The following NKAIN2 variants were observed in gnomAD, a reference collection of about 807,000 sequenced individuals.
NKAIN2 encodes the protein sodium/potassium transporting ATPase interacting 2.
Under a neutral mutation model 32.6 loss-of-function variants are expected in NKAIN2, and 14 were observed. The ratio of observed to expected loss-of-function variants is 0.43; its 90% CI spans 0.28 to 0.67. The LOEUF is 0.67. Ranked by LOEUF, NKAIN2 falls within the 30% of genes least tolerant of loss-of-function variation. The pLI is 0.17. For missense variants in NKAIN2, 198 were observed against 258.3 expected (o/e 0.77, Z 1.60); for synonymous variants, 80 against 87.2 (o/e 0.92, Z 0.46).
intron 1 of NKAIN2, among the ~76,000 whole-genome samples, chr6:123,957,454 A>G (rs997986315): frequency 1.3e-5 from 2 of 152,214 alleles, no homozygotes; most frequent in Non-Finnish European, 2.9e-5. Flanking sequence ...CATGAATGCA[A>G]TTAAATGGTG....
chr6:123,931,977 A>G (rs905433452), intron 1 of NKAIN2, among the ~76,000 whole-genome samples: 4 of 152,214 alleles, frequency 2.6e-5, no homozygotes, highest in Admixed American at 1.3e-4. Flanking sequence ...TCAAGAATAT[A>G]TACTTAAAAA....
At chr6:124,295,258 T>C (rs1795998819) in intron 2 of NKAIN2, among the ~76,000 whole-genome samples, 1 of 152,068 alleles carries the variant, frequency 6.6e-6, no homozygotes, top group East Asian at 1.9e-4. Context: ...GTTTTCATTC[T>C]ATCTTCTAAA....
intron 4 of NKAIN2, among the ~76,000 whole-genome samples, chr6:124,670,072 C>T (rs1022556566): frequency 3.9e-5 from 6 of 152,012 alleles, no homozygotes; most frequent in African/African-American, 1.4e-4. Flanking sequence ...AAAGTAATGG[C>T]AAAAACCACA....
intron 4 of NKAIN2, among the ~76,000 whole-genome samples, chr6:124,743,598 G>T (rs1218839286): frequency 6.6e-6 from 1 of 151,854 alleles, no homozygotes; most frequent in African/African-American, 2.4e-5. Context: ...GAACTGTAAT[G>T]ATAACATGAT....
In NKAIN2 at chr6:124,819,439, A is replaced by C. The variant is rs558718561; in HGVS notation, c.617+971A>C. ...TGTAGTTCTCTGAAATCATTTGCTAATAGCACCCATAAAACAGACTTTAGC... is the reference window on the plus strand; with the variant it reads ...TGTAGTTCTCTGAAATCATTTGCTACTAGCACCCATAAAACAGACTTTAGC... On this transcript the variant is annotated intron_variant, in intron 6 of 6. Transcript: ENST00000368417. 9.2e-5 allele frequency among the ~76,000 whole-genome samples: 14 copies of C among 152,276 alleles called. No individual in the cohort carries two copies. In the South Asian group the frequency reaches 2.9e-3, roughly 32 times the overall value.
chr6:123,957,194 A>G (rs1777633580), intron 1 of NKAIN2, among the ~76,000 whole-genome samples: 1 of 152,190 alleles, frequency 6.6e-6, no homozygotes, highest in Non-Finnish European at 1.5e-5. Context: ...CTATGAAAGC[A>G]CAGCATAGTA....
chr6:124,223,339 T>C (rs1253723161), intron 1 of NKAIN2, among the ~76,000 whole-genome samples: 1 of 151,682 alleles, frequency 6.6e-6, no homozygotes, highest in Non-Finnish European at 1.5e-5. Flanking sequence ...GTTTGTATGC[T>C]AATGGAAAGA....
rs776690706 is a variant in NKAIN2 at position 124,823,223 on chromosome 6, A to G, written c.621A>G (p.Ser207=). Residue 207 remains serine (S), a synonymous_variant, in exon 7 of 7, where the codon TCA becomes TCG. Transcript: ENST00000368417. ...AAACATCTTTTCTCTCTCTCAGGTC[A>G]AAATAATACAGATGACTTCAGTATG... The part of the protein sequence containing the change: ...SHLQLQPMYM[S]K 1.1e-5 allele frequency: 18 copies of G among 1,597,080 alleles called. No individual in the cohort carries two copies. The highest frequency in any genetic ancestry group is 7.7e-6 in the Non-Finnish European group (9 of 1,164,326).
At chr6:124,469,261 T>C (rs1158911627) in intron 3 of NKAIN2, among the ~76,000 whole-genome samples, 2 of 152,318 alleles carry the variant, frequency 1.3e-5, no homozygotes, top group South Asian at 2.1e-4. Flanking sequence ...TGTGCAGTTA[T>C]GGTGTTACAA....
chr6:123,938,545 T>TATATATTTATATATTTTTATATA, intron 1 of NKAIN2, among the ~76,000 whole-genome samples: 1 of 137,020 alleles, frequency 7.3e-6, no homozygotes, highest in Non-Finnish European at 1.6e-5. Flanking sequence ...TTTTATATAT[T>TATATATTTATATATTTTTATATA]ATATATTTAT....
chr6:124,276,286 C>T (rs1293559069), intron 1 of NKAIN2, among the ~76,000 whole-genome samples: 3 of 130,272 alleles, frequency 2.3e-5, no homozygotes, highest in African/African-American at 1.1e-4. Context: ...TTTTCTTCCC[C>T]TTGGTGAACA....
At chr6:124,375,077 GTTTCTCAGACCTCCTCATGGCCTTAGA>G (rs1304404195) in intron 3 of NKAIN2, among the ~76,000 whole-genome samples, 1 of 151,886 alleles carries the variant, frequency 6.6e-6, no homozygotes, top group Non-Finnish European at 1.5e-5. Flanking sequence ...CTAGAGCCTT[GTTTCTCAGACCTCCTCATGGCCTTAGA>G]CATGAGACAT....
At chr6:124,794,178 T>C (rs1779894756) in intron 5 of NKAIN2, among the ~76,000 whole-genome samples, 1 of 152,198 alleles carries the variant, frequency 6.6e-6, no homozygotes, top group South Asian at 2.1e-4. Context: ...GGTCATTTTG[T>C]AGATGTTAAA....
At chr6:124,771,424 T>A (rs1269662696) in intron 4 of NKAIN2, among the ~76,000 whole-genome samples, 1 of 152,006 alleles carries the variant, frequency 6.6e-6, no homozygotes, top group Non-Finnish European at 1.5e-5. Context: ...ACAGAAAAAA[T>A]TGAAGCTACC....
intron 4 of NKAIN2, among the ~76,000 whole-genome samples, chr6:124,753,229 G>A (rs1259776247): frequency 6.6e-6 from 1 of 152,112 alleles, no homozygotes; most frequent in South Asian, 2.1e-4. Flanking sequence ...TCCTCTTTTA[G>A]AAGGGCAAGT....
intron 3 of NKAIN2, among the ~76,000 whole-genome samples, chr6:124,518,722 C>A (rs1364106881): frequency 6.6e-6 from 1 of 152,150 alleles, no homozygotes; most frequent in Non-Finnish European, 1.5e-5. Flanking sequence ...ACTCTATCAA[C>A]AAGTTACAAC....
chr6:124,783,462 A>G (rs1779362231), intron 4 of NKAIN2, among the ~76,000 whole-genome samples: 1 of 152,188 alleles, frequency 6.6e-6, no homozygotes, highest in African/African-American at 2.4e-5. Context: ...TGGTATTAAG[A>G]TATGTTTCTG....
At chr6:124,521,989 A>G (rs1460154253) in intron 3 of NKAIN2, among the ~76,000 whole-genome samples, 2 of 152,122 alleles carry the variant, frequency 1.3e-5, no homozygotes, top group Admixed American at 1.3e-4. Flanking sequence ...ATGAAAATGT[A>G]TCTTGCTTAG....
At chr6:124,809,505 C>A (rs1048215810) in intron 5 of NKAIN2, among the ~76,000 whole-genome samples, 4 of 149,996 alleles carry the variant, frequency 2.7e-5, no homozygotes, top group African/African-American at 7.4e-5. Context: ...AAGACTTAAA[C>A]GTTGGACCTA....
Sources: allele counts gnomAD v4.1 joint callset (sites outside exome capture counted in the v4.1 genomes callset), GRCh38; gene constraint gnomAD v4.1.1; transcripts MANE v1.5; gene names NCBI Gene and HGNC (gene_info 2026-07-23, HGNC 2026-07-21).